MAP2K6: variants seen among roughly 807,000 people sequenced by gnomAD.
The protein encoded by MAP2K6 is dual specificity mitogen-activated protein kinase kinase 6.
In MAP2K6, 16 loss-of-function variants were observed where a neutral mutation model predicts 53.7. The ratio of observed to expected loss-of-function variants is 0.30; its 90% CI spans 0.20 to 0.45. The LOEUF is 0.45. Ranked by LOEUF, MAP2K6 falls within the 20% of genes least tolerant of loss-of-function variation. The pLI, the probability that MAP2K6 is intolerant of heterozygous loss-of-function variation, is 1.00. For synonymous variants in MAP2K6, 132 were observed against 143.1 expected (o/e 0.92, Z 0.55); for missense variants, 204 against 411.9 (o/e 0.50, Z 4.37).
At position 69,495,113 on chromosome 17, in the gene MAP2K6, A is replaced by AC. The variant is rs1187092545; in HGVS notation, c.17-10667_17-10666insC. Among the ~76,000 whole-genome samples the AC allele has an allele frequency of 2.6e-3, 393 of 151,676 alleles. 3 individuals are homozygous for AC. The highest frequency in any genetic ancestry group is 9.1e-3 in the African/African-American group (375 of 41,364). On this transcript the variant is annotated intron_variant, in intron 1 of 11. Coordinates refer to ENST00000590474, the MANE Select transcript of MAP2K6 (RefSeq NM_002758.4). ...TACTTCCACATAAAAAAAAAAAAAA[A>AC]AACAACAAATTCACCCCTCTTATTC...
At chr17:69,415,186 G>T (rs990660587) in intron 1 of MAP2K6, among the ~76,000 whole-genome samples, 186 bp downstream of exon 1, 10 of 152,188 alleles carry the variant, frequency 6.6e-5, no homozygotes, top group African/African-American at 2.4e-4. Context: ...GGCAGGGCTT[G>T]CAGTTCAGCT....
At chr17:69,445,961 A>G (rs1264172808) in intron 1 of MAP2K6, among the ~76,000 whole-genome samples, 1 of 152,218 alleles carries the variant, frequency 6.6e-6, no homozygotes, top group African/African-American at 2.4e-5. Context: ...GTTTAGTTCC[A>G]ATTTACTTCA....
intron 1 of MAP2K6, among the ~76,000 whole-genome samples, chr17:69,436,697 A>T (rs750044117): frequency 1.3e-5 from 2 of 152,120 alleles, no homozygotes; most frequent in Non-Finnish European, 2.9e-5. Flanking sequence ...CAGAATCCTC[A>T]TGTGTCCTCT....
At chr17:69,454,181 A>G (rs760351282) in intron 1 of MAP2K6, among the ~76,000 whole-genome samples, 2 of 152,208 alleles carry the variant, frequency 1.3e-5, no homozygotes, top group Non-Finnish European at 1.5e-5. Flanking sequence ...ACTGATGTCT[A>G]TATTTCTAGC....
At chr17:69,508,571 T>C (rs1909646270) in intron 2 of MAP2K6, among the ~76,000 whole-genome samples, 1 of 152,232 alleles carries the variant, frequency 6.6e-6, no homozygotes, top group African/African-American at 2.4e-5. Context: ...ATATGTGATA[T>C]GAAAATATTT....
intron 11 of MAP2K6, among the ~76,000 whole-genome samples, chr17:69,537,346 G>T (rs148781444): frequency 6.6e-6 from 1 of 152,140 alleles, no homozygotes; most frequent in African/African-American, 2.4e-5. Flanking sequence ...GAAGAGTTAC[G>T]TTCATGCACA....
intron 10 of MAP2K6, among the ~76,000 whole-genome samples, chr17:69,531,586 G>T (rs1344389318): frequency 6.6e-6 from 1 of 152,144 alleles, no homozygotes; most frequent in Non-Finnish European, 1.5e-5. Context: ...TAGACCTAGA[G>T]TCCAGAGTTC....
chr17:69,547,865 T>G lies in MAP2K6; in HGVS notation c.*6112T>G, dbSNP rs1911936559. 6.6e-6 allele frequency: 1 copy of G among 152,250 alleles called. No individual in the cohort carries two copies. Among genetic ancestry groups the G allele is most frequent in the Admixed American group, 6.5e-5 (1 of 15,286 alleles). 9.4% of individuals were successfully genotyped at this position (152,250 alleles called of 1,614,324 possible). A position where few individuals can be genotyped will look rare whatever the true frequency, so the allele number is the denominator to read the frequency against. ...GGTTATTTGCATTTTCTTTCTTTCT[T>G]TCTGTAGTGTGGTTTATACACAAGG... On this transcript the variant is annotated 3_prime_UTR_variant, in exon 12 of 12. Coordinates refer to ENST00000590474, the MANE Select transcript of MAP2K6 (RefSeq NM_002758.4).
chr17:69,488,946 TGTGGTGGCTC>T (rs1908645930), intron 1 of MAP2K6, among the ~76,000 whole-genome samples: 1 of 151,340 alleles, frequency 6.6e-6, no homozygotes, highest in Admixed American at 6.6e-5. Context: ...TAAGGCTGAG[TGTGGTGGCTC>T]ATGCCTGTAA....
chr17:69,478,565 TG>T (rs1908240563), intron 1 of MAP2K6, among the ~76,000 whole-genome samples: 1 of 152,188 alleles, frequency 6.6e-6, no homozygotes, highest in Non-Finnish European at 1.5e-5. Context: ...CCTGAGTAGC[TG>T]GGATTGCAGG....
chr17:69,543,614 G>A lies in MAP2K6; in HGVS notation c.*1861G>A, dbSNP rs1363098224. The A allele has an allele frequency of 6.6e-6, 1 of 152,040 alleles. No individual in the cohort carries two copies. Among genetic ancestry groups the A allele is most frequent in the African/African-American group, 2.4e-5 (1 of 41,396 alleles). 9.4% of individuals were successfully genotyped at this position (152,040 alleles called of 1,614,324 possible). Reference sequence around the variant, plus strand: ...TGGAAGTTCTTCTCTTGGAGATCAAGAGAAAAATTACAATTGTATTCCTTA... The same window carrying A: ...TGGAAGTTCTTCTCTTGGAGATCAAAAGAAAAATTACAATTGTATTCCTTA... On this transcript the variant is annotated 3_prime_UTR_variant, in exon 12 of 12. Coordinates refer to ENST00000590474, the MANE Select transcript of MAP2K6 (RefSeq NM_002758.4).
chr17:69,468,745 A>T (rs147177391), intron 1 of MAP2K6, among the ~76,000 whole-genome samples: 76 of 152,314 alleles, frequency 5.0e-4, no homozygotes, highest in African/African-American at 1.7e-3. Context: ...AAGCCCCTTC[A>T]TCATCCCTCT....
intron 6 of MAP2K6, 188 bp from the exon 7 acceptor site, chr17:69,520,861 C>T: frequency 2.0e-6 from 1 of 511,652 alleles, no homozygotes; most frequent in South Asian, 3.0e-5. Flanking sequence ...ATATAAGATA[C>T]AGTCCTCTCT....
intron 1 of MAP2K6, among the ~76,000 whole-genome samples, chr17:69,472,435 T>C (rs1288351196): frequency 6.6e-6 from 1 of 152,152 alleles, no homozygotes; most frequent in East Asian, 1.9e-4. Flanking sequence ...AGGGCCGCTG[T>C]CAGTGTGGAG....
At chr17:69,466,542 C>G (rs915294937) in intron 1 of MAP2K6, among the ~76,000 whole-genome samples, 4 of 152,188 alleles carry the variant, frequency 2.6e-5, no homozygotes, top group Non-Finnish European at 5.9e-5. Context: ...ATTTGTTTCT[C>G]AAGCCATCGG....
intron 1 of MAP2K6, among the ~76,000 whole-genome samples, chr17:69,451,144 G>T (rs897375556): frequency 6.6e-6 from 1 of 152,228 alleles, no homozygotes; most frequent in African/African-American, 2.4e-5. Flanking sequence ...CAAACAATTA[G>T]AGTTAACAAT....
chr17:69,485,550 C>A, intron 1 of MAP2K6: 1 of 710,866 alleles, frequency 1.4e-6, no homozygotes, highest in Non-Finnish European at 1.7e-6. Context: ...CCTAATGTTT[C>A]TTGGCTTCAT....
intron 10 of MAP2K6, among the ~76,000 whole-genome samples, chr17:69,535,801 A>G (rs1456594560): frequency 6.6e-6 from 1 of 152,154 alleles, no homozygotes; most frequent in Non-Finnish European, 1.5e-5. Flanking sequence ...TTTGAAGGAA[A>G]GTAGATTTTT....
At chr17:69,511,521 C>G (rs1909813106) in intron 2 of MAP2K6, among the ~76,000 whole-genome samples, 2 of 152,176 alleles carry the variant, frequency 1.3e-5, no homozygotes, top group South Asian at 4.1e-4. Flanking sequence ...TGTGAGCTGT[C>G]CCTTCCCTTG....
Sources: gnomAD v4.1 joint callset for allele counts (sites outside exome capture counted in the v4.1 genomes callset) on GRCh38, gnomAD v4.1.1 for gene constraint, MANE v1.5 for transcripts, NCBI Gene and HGNC (gene_info 2026-07-23, HGNC 2026-07-21) for gene names.